The following RHOBTB3 variants were observed in gnomAD, a reference collection of about 807,000 sequenced individuals.
The protein encoded by RHOBTB3 is Rho related BTB domain containing 3.
RHOBTB3 carries 47 observed loss-of-function variants against 67.2 expected under a neutral mutation model. That is an observed-to-expected ratio of 0.70 (90% CI 0.55 to 0.89). The LOEUF (loss-of-function observed/expected upper bound fraction) is 0.89, where lower values mean the gene tolerates loss of function less well. Ranked by LOEUF, RHOBTB3 falls within the 40% of genes least tolerant of loss-of-function variation. The pLI is 0.00. For missense variants in RHOBTB3, 631 were observed against 750.0 expected, an observed-to-expected ratio of 0.84 and a Z score of 1.85; for synonymous variants, 273 against 274.2, an observed-to-expected ratio of 1.00 and a Z score of 0.04.
intron 10 of RHOBTB3, among the ~76,000 whole-genome samples, chr5:95,784,843 A>G (rs895381730): frequency 2.6e-5 from 4 of 152,040 alleles, no homozygotes; most frequent in African/African-American, 9.7e-5. Flanking sequence ...CTGCCATTCC[A>G]TCCACTGCCC....
chr5:95,788,526 CG>C (rs780324467), intron 10 of RHOBTB3, among the ~76,000 whole-genome samples: 30 of 152,270 alleles, frequency 2.0e-4, no homozygotes, highest in Admixed American at 3.9e-4. Flanking sequence ...CTCCGGCAGC[CG>C]TAGATTGTTA....
Position 95,794,034 on chromosome 5 carries a change from T to C in RHOBTB3, c.*860T>C, listed in dbSNP as rs1439080431. 8.8e-6 allele frequency: 4 copies of C among 456,214 alleles called. No individual in the cohort carries two copies. The highest frequency in any genetic ancestry group is 4.7e-5 in the Admixed American group (2 of 42,582). The allele number at this position is 456,214 out of a possible 1,614,324, so 28.3% of individuals were successfully genotyped here. A position where few individuals can be genotyped will look rare whatever the true frequency, so the allele number is the denominator to read the frequency against. Reference sequence around the variant, plus strand: ...CTGAAAGCAGAAAAAGGCACTGATATAAAGGGAAGAGAAGGAGGCTCACCG... The same window carrying C: ...CTGAAAGCAGAAAAAGGCACTGATACAAAGGGAAGAGAAGGAGGCTCACCG... On this transcript the variant is annotated 3_prime_UTR_variant, in exon 12 of 12. Coordinates refer to ENST00000379982, the MANE Select transcript of RHOBTB3 (RefSeq NM_014899.4).
At chr5:95,732,230 G>A in intron 2 of RHOBTB3, 146 bp downstream of exon 2, 1 of 747,648 alleles carries the variant, frequency 1.3e-6, no homozygotes, top group South Asian at 1.7e-5. Flanking sequence ...AAAATCTTTG[G>A]TCCTTTGTTT....
At chr5:95,754,194 G>T (rs556707808) in intron 5 of RHOBTB3, among the ~76,000 whole-genome samples, 21 of 152,300 alleles carry the variant, frequency 1.4e-4, no homozygotes, top group Non-Finnish European at 3.1e-4. Context: ...GTCTCTTCAG[G>T]AAATGCAGCC....
chr5:95,731,666 C>T lies in RHOBTB3; in HGVS notation c.-17C>T. On this transcript the variant is annotated 5_prime_UTR_variant, in exon 1 of 12. Coordinates refer to ENST00000379982, the MANE Select transcript of RHOBTB3 (RefSeq NM_014899.4). The stretch of plus-strand genomic sequence containing the variant: ...TGCTTTTCTCCGAGTCGCCGCCCTG[C>T]CCTTGGATTTGAGATCATGTACGTA... The T allele has an allele frequency of 1.2e-6, 2 of 1,613,372 alleles. No individual in the cohort carries two copies. The highest frequency in any genetic ancestry group is 1.7e-6 in the Non-Finnish European group (2 of 1,179,768).
rs1402955313 is a variant in RHOBTB3, at chr5:95,739,131, TAGAC to T, written c.415+2058_415+2061del. Among the ~76,000 whole-genome samples the T allele has an allele frequency of 2.6e-5, 4 of 152,232 alleles. No homozygotes were observed. In the South Asian group the frequency reaches 8.3e-4, roughly 31 times the overall value. On this transcript the variant is annotated intron_variant, in intron 3 of 11. Transcript: ENST00000379982. ...GTCTTGCTCCTGGCACATATCACCA[TAGAC>T]ATCATCTTCCTCTGGCCAAATTTCC...
intron 8 of RHOBTB3, chr5:95,769,671 A>T (rs772517671): frequency 5.9e-6 from 1 of 168,226 alleles, no homozygotes; most frequent in Non-Finnish European, 1.3e-5. Context: ...AAATTTTTGC[A>T]TATCTTATTA....
intron 1 of RHOBTB3, among the ~76,000 whole-genome samples, chr5:95,724,415 A>G (rs1432420555): frequency 6.6e-6 from 1 of 152,248 alleles, no homozygotes. Context: ...TTATATTTGG[A>G]AAATGTTTGG....
intron 3 of RHOBTB3, among the ~76,000 whole-genome samples, chr5:95,747,933 A>G (rs960654578): frequency 2.0e-5 from 3 of 152,224 alleles, no homozygotes; most frequent in Admixed American, 6.5e-5. Flanking sequence ...AGTTTATTAT[A>G]TTAAAAAAGC....
chr5:95,770,194 C>A (rs949524205), intron 8 of RHOBTB3: 2 of 274,700 alleles, frequency 7.3e-6, no homozygotes, highest in Admixed American at 4.1e-5. Flanking sequence ...AATGGCAAAA[C>A]TTTAAAATGG....
intron 1 of RHOBTB3, 86 bp downstream of exon 1, chr5:95,731,770 G>A (rs1001140536): frequency 1.1e-4 from 169 of 1,604,788 alleles, no homozygotes; most frequent in Admixed American, 6.9e-4. Flanking sequence ...CATCCTCGCC[G>A]CGCGCTGTCC....
chr5:95,773,286 A>C (rs1745771913), intron 8 of RHOBTB3, among the ~76,000 whole-genome samples: 1 of 152,094 alleles, frequency 6.6e-6, no homozygotes, highest in Non-Finnish European at 1.5e-5. Context: ...GTCTGTGCTG[A>C]TGATGTGCAG....
intron 10 of RHOBTB3, 59 bp downstream of exon 10, chr5:95,784,022 C>G (rs1368398710): frequency 7.5e-7 from 1 of 1,337,804 alleles, no homozygotes; most frequent in Non-Finnish European, 1.0e-6. Flanking sequence ...TCAAATTATA[C>G]TATTTTAAAA....
intron 11 of RHOBTB3, among the ~76,000 whole-genome samples, chr5:95,792,388 GAAA>G (rs752562205): frequency 3.6e-5 from 3 of 83,704 alleles, no homozygotes; most frequent in Non-Finnish European, 6.8e-5. Context: ...CTCCGTCTCA[GAAA>G]AAAAAAAAAA....
rs1745333723 is a variant in RHOBTB3, at chr5:95,759,332, A to G, written c.1048+3571A>G. 2.0e-5 allele frequency among the ~76,000 whole-genome samples: 3 copies of G among 152,264 alleles called. No homozygotes were observed. The South Asian group carries it at 6.2e-4, about 31-fold the overall frequency. On this transcript the variant is annotated intron_variant, in intron 6 of 11. Transcript: ENST00000379982. ...AGATGCTGGTTAAGGAAAAGGGAAA[A>G]TAACTGGTTCTGCAGGTATCTATTT...
At chr5:95,748,230 G>T in intron 3 of RHOBTB3, 103 bp from the exon 4 acceptor site, 1 of 738,438 alleles carries the variant, frequency 1.4e-6, no homozygotes, top group Non-Finnish European at 2.1e-6. Flanking sequence ...TTTGAACTGT[G>T]GCTCTAGTAT....
chr5:95,768,860 T>G (rs1267023323), intron 8 of RHOBTB3: 2 of 159,116 alleles, frequency 1.3e-5, no homozygotes, highest in African/African-American at 4.8e-5. Context: ...TGGTGGGAGC[T>G]GCCAGCACAC....
At chr5:95,789,078 T>G (rs550348368) in intron 11 of RHOBTB3, 1 of 439,414 alleles carries the variant, frequency 2.3e-6, no homozygotes, top group African/African-American at 2.1e-5. Flanking sequence ...CTAATGATTA[T>G]TTTATAGCTC....
chr5:95,779,171 T>A lies in RHOBTB3; in HGVS notation c.1283-1081T>A, dbSNP rs115175463. On this transcript the variant is annotated intron_variant, in intron 8 of 11. Coordinates refer to ENST00000379982, the MANE Select transcript of RHOBTB3 (RefSeq NM_014899.4). ...TGATGAGTATGAGATTTTAGAGATG[T>A]GTGGGTAAACTCTTGGGCAGGGCTG... 3.5e-3 allele frequency among the ~76,000 whole-genome samples: 538 copies of A among 152,304 alleles called. 4 individuals carry two copies. The highest frequency in any genetic ancestry group is 0.012 in the African/African-American group (479 of 41,568).
Sources: gnomAD v4.1 joint callset for allele counts (sites outside exome capture counted in the v4.1 genomes callset) on GRCh38, gnomAD v4.1.1 for gene constraint, MANE v1.5 for transcripts, NCBI Gene and HGNC (gene_info 2026-07-23, HGNC 2026-07-21) for gene names.